The following RASGRP4 variants were observed in gnomAD, a reference collection of about 807,000 sequenced individuals.
The protein encoded by RASGRP4 is RAS guanyl-releasing protein 4.
A neutral mutation model predicts 84.4 loss-of-function variants in RASGRP4; 52 were observed. The ratio of observed to expected loss-of-function variants is 0.62; its 90% CI spans 0.49 to 0.78. The LOEUF (loss-of-function observed/expected upper bound fraction) is 0.78. Among genes scored for constraint, RASGRP4 ranks in the 30% least tolerant of loss-of-function variants. RASGRP4 has a pLI of 0.00. For missense variants in RASGRP4, 760 were observed against 886.9 expected (o/e 0.86, Z 1.82); for synonymous variants, 356 against 359.1 (o/e 0.99, Z 0.10).
intron 9 of RASGRP4, among the ~76,000 whole-genome samples, chr19:38,414,010 C>A (rs1300471657): frequency 6.6e-6 from 1 of 152,110 alleles, no homozygotes; most frequent in Non-Finnish European, 1.5e-5. Context: ...CTCACTGCAA[C>A]CTCCGCCTCC....
At chr19:38,419,725 GGTTTGA>G (rs1971653068) in intron 6 of RASGRP4, 129 bp downstream of exon 6, 1 of 918,574 alleles carries the variant, frequency 1.1e-6, no homozygotes, top group Non-Finnish European at 1.6e-6. Context: ...CTAGCATACA[GGTTTGA>G]GTTTAAGACT....
Position 38,412,932 on chromosome 19 carries a change from C to A in RASGRP4, c.1534G>T (p.Gly512Trp). ...CHGLHPPPRQ[G>W]RGSFSREELT... ...GATCCAGGAGTCACAACCACTTACC[C>A]CTGGCGTGGGGGTGGGTGAAGCCCA... Residue 512 changes from glycine to tryptophan, a missense_variant and splice_region_variant, in exon 12 of 17, where the codon GGG becomes TGG. By Grantham distance (184) the Gly-to-Trp change is radical (BLOSUM62 -2). Transcript: ENST00000615439. The surrounding 1 kb of genome is among the most constrained non-coding windows in gnomAD (Gnocchi z 4.6). 1 of 1,613,940 alleles carries A rather than the reference C, an allele frequency of 6.2e-7. No individual in the cohort carries two copies. Among genetic ancestry groups the A allele is most frequent in the South Asian group, 1.1e-5 (1 of 91,084 alleles).
chr19:38,419,161 T>C (rs765776699), intron 6 of RASGRP4, among the ~76,000 whole-genome samples: 1 of 152,198 alleles, frequency 6.6e-6, no homozygotes, highest in Non-Finnish European at 1.5e-5. Context: ...GATGTCCAGA[T>C]GGCAAAAGCT....
In RASGRP4 at chr19:38,412,131, G is replaced by T. The variant is rs1001296472; in HGVS notation, c.1680+541C>A. ...TGTTGTTGTTGTTGTTGTTGTTGTT[G>T]TTTTTGAGACAGAATCTCGCTCTGT... On this transcript the variant is annotated intron_variant, in intron 13 of 16. Coordinates refer to ENST00000615439, the MANE Select transcript of RASGRP4 (RefSeq NM_170604.3). This position sits in a 1 kb window ranked among gnomAD's most constrained non-coding sequence, Gnocchi z 4.6. Among the ~76,000 whole-genome samples the T allele has an allele frequency of 2.1e-5, 3 of 140,490 alleles. No individual in the cohort carries two copies. Among genetic ancestry groups the T allele is most frequent in the African/African-American group, 8.2e-5 (3 of 36,682 alleles). The allele number at this position is 140,490 out of a possible 152,430, so 92.2% of individuals were successfully genotyped here.
In RASGRP4 at chr19:38,419,998, G is replaced by A. The variant is rs375153427; in HGVS notation, c.525C>T (p.Gly175=). The A allele has an allele frequency of 1.2e-6, 2 of 1,613,838 alleles. No homozygotes were observed. Among genetic ancestry groups the A allele is most frequent in the African/African-American group, 1.3e-5 (1 of 75,050 alleles). Residue 175 remains glycine (G), a synonymous_variant, in exon 6 of 17, where the codon GGC becomes GGT. Coordinates refer to ENST00000615439, the MANE Select transcript of RASGRP4 (RefSeq NM_170604.3). ...TGCTCATTGGGAGTGGGGGGCCAGG[G>A]CCACCAGGGCTCAGGCTGGGGGCCA... The part of the protein sequence containing the change: ...GDSSDLLSPG[G]PGPPLPMSSP...
In RASGRP4 at chr19:38,412,243, G is replaced by T. The variant is rs989782212; in HGVS notation, c.1680+429C>A. On this transcript the variant is annotated intron_variant, in intron 13 of 16. Transcript: ENST00000615439. This position sits in a 1 kb window ranked among gnomAD's most constrained non-coding sequence, Gnocchi z 4.6. ...AGCAATTCTCGTGCCTCAGCCTCCT[G>T]AGTAGCTGGGATCACAGGTATGCAC... Among the ~76,000 whole-genome samples, 1 of 152,046 alleles carries T rather than the reference G, an allele frequency of 6.6e-6. No homozygotes were observed. The highest frequency in any genetic ancestry group is 1.5e-5 in the Non-Finnish European group (1 of 68,026).
intron 2 of RASGRP4, among the ~76,000 whole-genome samples, chr19:38,421,547 A>G (rs1343102080): frequency 1.3e-5 from 2 of 152,008 alleles, no homozygotes; most frequent in Non-Finnish European, 2.9e-5. Flanking sequence ...CACCGTTTCT[A>G]CTAAAAACAC....
intron 4 of RASGRP4, 143 bp from the exon 5 acceptor site, chr19:38,420,405 AG>A: frequency 1.4e-6 from 1 of 738,822 alleles, no homozygotes; most frequent in Non-Finnish European, 2.0e-6. Context: ...TGGGGTTTGG[AG>A]GGGCACCAGG....
chr19:38,417,216 G>A lies in RASGRP4; in HGVS notation c.838-48C>T. ...AGGGCCGTCACGGGAGGGAGGGCAAGTCAGGAGTTCAGATGACAGCATCCC... is the reference window on the plus strand; with the variant it reads ...AGGGCCGTCACGGGAGGGAGGGCAAATCAGGAGTTCAGATGACAGCATCCC... On this transcript the variant is annotated intron_variant, in intron 7 of 16. Transcript: ENST00000615439. The surrounding 1 kb of genome is among the most constrained non-coding windows in gnomAD (Gnocchi z 5.1). 1 of 1,244,382 alleles carries A rather than the reference G, an allele frequency of 8.0e-7. No individual in the cohort carries two copies. The allele number at this position is 1,244,382 out of a possible 1,614,324, so 77.1% of individuals were successfully genotyped here. A position where few individuals can be genotyped will look rare whatever the true frequency, so the allele number is the denominator to read the frequency against.
Position 38,422,107 on chromosome 19 carries a change from G to C in RASGRP4, c.70C>G (p.Pro24Ala). 1.9e-6 allele frequency: 3 copies of C among 1,612,944 alleles called. No individual in the cohort carries two copies. The highest frequency in any genetic ancestry group is 2.5e-6 in the Non-Finnish European group (3 of 1,179,598). Residue 24 changes from proline (P) to alanine (A), a missense_variant, in exon 2 of 17, where the codon CCC (proline) becomes GCC (alanine). Physicochemically the swap from Pro to Ala is conservative, Grantham distance 27. Transcript: ENST00000615439. ...CTGKIGGRGR[P>A]RQVRRHKTCP... Reference sequence around the variant, plus strand: ...GTCTTGTGGCGGCGCACTTGGCGGGGCCGGCCTCGCCCTCCTATTTTTCCG... The same window carrying C: ...GTCTTGTGGCGGCGCACTTGGCGGGCCCGGCCTCGCCCTCCTATTTTTCCG...
At position 38,409,073 on chromosome 19, in the gene RASGRP4, T is replaced by A; in HGVS notation, c.*967A>T. 2.0e-6 allele frequency: 1 copy of A among 512,060 alleles called. No homozygotes were observed. Among genetic ancestry groups the A allele is most frequent in the Non-Finnish European group, 3.2e-6 (1 of 315,304 alleles). 31.7% of individuals were successfully genotyped at this position (512,060 alleles called of 1,614,324 possible). A position where few individuals can be genotyped will look rare whatever the true frequency, so the allele number is the denominator to read the frequency against. ...AACCATGTTCTCCAGAGAATAAATT[T>A]AATTTATGACAGCTGTAGGACCTCT... On this transcript the variant is annotated 3_prime_UTR_variant, in exon 17 of 17. Coordinates refer to ENST00000615439, the MANE Select transcript of RASGRP4 (RefSeq NM_170604.3).
In RASGRP4 at chr19:38,409,933, G is replaced by A. The variant is rs1010247611; in HGVS notation, c.*107C>T. ...CACTAAAGGCAGTGTGGATGGGAAG[G>A]CGGATGCCTCTGGAGGCCTACCTCT... On this transcript the variant is annotated 3_prime_UTR_variant, in exon 17 of 17. Coordinates refer to ENST00000615439, the MANE Select transcript of RASGRP4 (RefSeq NM_170604.3). 2.6e-6 allele frequency: 2 copies of A among 766,588 alleles called. No homozygotes were observed. The highest frequency in any genetic ancestry group is 4.3e-6 in the Non-Finnish European group (2 of 465,658). The allele number at this position is 766,588 out of a possible 1,614,324, so 47.5% of individuals were successfully genotyped here.
In RASGRP4 at chr19:38,418,204, G is replaced by A. The variant is rs1263913408; in HGVS notation, c.837+187C>T. Among the ~76,000 whole-genome samples the A allele has an allele frequency of 1.3e-5, 2 of 152,016 alleles. No homozygotes were observed. The highest frequency in any genetic ancestry group is 2.9e-5 in the Non-Finnish European group (2 of 67,990). On this transcript the variant is annotated intron_variant, in intron 7 of 16. Coordinates refer to ENST00000615439, the MANE Select transcript of RASGRP4 (RefSeq NM_170604.3). This position sits in a 1 kb window ranked among gnomAD's most constrained non-coding sequence, Gnocchi z 4.6. The stretch of plus-strand genomic sequence containing the variant: ...GGTGGGGCCACGGTGGGTGCGACGC[G>A]GTGACATCAAGGCCAAAGAAGAAGT...
intron 16 of RASGRP4, 21 bp downstream of exon 16, chr19:38,410,865 G>C (rs746314763): frequency 6.5e-7 from 1 of 1,532,130 alleles, no homozygotes; most frequent in African/African-American, 1.4e-5. Flanking sequence ...CCACTTGGGG[G>C]TAGGGGCGGT....
chr19:38,410,021 A>C lies in RASGRP4; in HGVS notation c.*19T>G. 6.2e-7 allele frequency: 1 copy of C among 1,604,032 alleles called. No individual in the cohort carries two copies. The highest frequency in any genetic ancestry group is 8.5e-7 in the Non-Finnish European group (1 of 1,173,516). ...TGACTGGGGGAAGGGAGTGAGGAAG[A>C]GAGGAGACCAAGAGATGTCTAGGAA... is the stretch of plus-strand genomic sequence containing the variant. On this transcript the variant is annotated 3_prime_UTR_variant, in exon 17 of 17. Transcript: ENST00000615439.
intron 14 of RASGRP4, 31 bp from the exon 15 acceptor site, chr19:38,411,280 T>C (rs749162652): frequency 1.7e-5 from 28 of 1,613,532 alleles, no homozygotes; most frequent in Non-Finnish European, 2.3e-5. Context: ...GGGTCCGATC[T>C]GTGTCATCCA....
In RASGRP4 at chr19:38,413,139, TAC is replaced by T; in HGVS notation, c.1416+52_1416+53del. On this transcript the variant is annotated intron_variant, in intron 11 of 16. Transcript: ENST00000615439. This position sits in a 1 kb window ranked among gnomAD's most constrained non-coding sequence, Gnocchi z 4.7. ...GTCCCCACCTCCAGGCTCAGGGTTC[TAC>T]AGATGTCTTCCCTCCTGGCTGCTGG... is the stretch of plus-strand genomic sequence containing the variant. The T allele has an allele frequency of 6.3e-7, 1 of 1,584,804 alleles. No homozygotes were observed. Among genetic ancestry groups the T allele is most frequent in the Non-Finnish European group, 8.7e-7 (1 of 1,153,944 alleles).
Position 38,421,933 on chromosome 19 carries a change from T to C in RASGRP4, c.208+36A>G, listed in dbSNP as rs1358445465. ...GAGAAGCGAGTGCTGAGCCCGAGGTTAGGGCCAGGGAGGCTGCTGGGGAGA... is the reference window on the plus strand; with the variant it reads ...GAGAAGCGAGTGCTGAGCCCGAGGTCAGGGCCAGGGAGGCTGCTGGGGAGA... On this transcript the variant is annotated intron_variant, in intron 2 of 16. Transcript: ENST00000615439. 9 of 1,583,716 alleles carry C rather than the reference T, an allele frequency of 5.7e-6. No individual in the cohort carries two copies. In the East Asian group the frequency reaches 2.1e-4, roughly 36 times the overall value.
At chr19:38,425,869 G>A (rs1321233064) in intron 1 of RASGRP4, among the ~76,000 whole-genome samples, 200 bp downstream of exon 1, 1 of 152,128 alleles carries the variant, frequency 6.6e-6, no homozygotes, top group African/African-American at 2.4e-5. Context: ...AAACTCCAGG[G>A]ACAACACGGT....
Sources: allele counts gnomAD v4.1 joint callset (sites outside exome capture counted in the v4.1 genomes callset), GRCh38; gene constraint gnomAD v4.1.1; non-coding constraint Gnocchi (gnomAD v3.1); transcripts MANE v1.5; gene names NCBI Gene and HGNC (gene_info 2026-07-23, HGNC 2026-07-21).